EPHA6: variants seen among roughly 807,000 people sequenced by gnomAD.
EPHA6 encodes the protein EPH receptor A6.
A neutral mutation model predicts 112.0 loss-of-function variants in EPHA6; 50 were observed. That is an observed-to-expected ratio of 0.45 (90% confidence interval 0.36 to 0.56). The LOEUF (loss-of-function observed/expected upper bound fraction) is 0.56, where lower values mean the gene tolerates loss of function less well. EPHA6 is among the 20% of genes least tolerant of loss of function. The pLI, the probability that EPHA6 is intolerant of heterozygous loss-of-function variation, is 0.00. For synonymous variants in EPHA6, 529 were observed against 490.7 expected (o/e 1.08, Z -1.03); for missense variants, 1,280 against 1,417.4 (o/e 0.90, Z 1.56).
chr3:97,365,208 A>G (rs1367971397), intron 5 of EPHA6, among the ~76,000 whole-genome samples: 1 of 152,202 alleles, frequency 6.6e-6, no homozygotes, highest in Non-Finnish European at 1.5e-5. Context: ...CTACAGTACG[A>G]TGTTGATTTT....
At chr3:97,257,138 TTAA>T (rs1282225594) in intron 5 of EPHA6, among the ~76,000 whole-genome samples, 1 of 151,856 alleles carries the variant, frequency 6.6e-6, no homozygotes, top group African/African-American at 2.4e-5. Flanking sequence ...AATCAAATCA[TTAA>T]CTAGGAAAAT....
chr3:97,011,193 AG>A (rs2044073003), intron 3 of EPHA6, among the ~76,000 whole-genome samples: 1 of 152,182 alleles, frequency 6.6e-6, no homozygotes. Context: ...AGTCTGTATA[AG>A]GGGATTTTAA....
intron 5 of EPHA6, among the ~76,000 whole-genome samples, chr3:97,303,937 C>T (rs1439567596): frequency 6.6e-6 from 1 of 151,974 alleles, no homozygotes; most frequent in East Asian, 1.9e-4. Flanking sequence ...ATTTATAGCT[C>T]TTCTTGAAGA....
chr3:97,631,689 G>T (rs1392385415), intron 13 of EPHA6, among the ~76,000 whole-genome samples: 2 of 151,938 alleles, frequency 1.3e-5, no homozygotes, highest in Non-Finnish European at 2.9e-5. Context: ...ACACCACATT[G>T]TGAAGGGTAT....
chr3:97,589,096 C>G (rs1287661019), intron 11 of EPHA6, among the ~76,000 whole-genome samples: 2 of 151,920 alleles, frequency 1.3e-5, no homozygotes, highest in East Asian at 3.9e-4. Flanking sequence ...TTGAATGTGA[C>G]CCAACACAAG....
chr3:97,748,757 C>A lies in EPHA6; in HGVS notation c.*56C>A. On this transcript the variant is annotated 3_prime_UTR_variant, in exon 18 of 18. Coordinates refer to ENST00000389672, the MANE Select transcript of EPHA6 (RefSeq NM_001080448.3). ...CAGCATTTCTAAAATGAACGATATC[C>A]TCTCTACTACTCTCTCTTCTGATTC... The A allele has an allele frequency of 1.2e-6, 1 of 842,636 alleles. No individual in the cohort carries two copies. Among genetic ancestry groups the A allele is most frequent in the Non-Finnish European group, 2.0e-6 (1 of 496,066 alleles). 52.2% of individuals were successfully genotyped at this position (842,636 alleles called of 1,614,324 possible).
At chr3:97,352,004 A>G (rs890365954) in intron 5 of EPHA6, among the ~76,000 whole-genome samples, 4 of 152,162 alleles carry the variant, frequency 2.6e-5, no homozygotes, top group African/African-American at 9.7e-5. Context: ...TGACAAGAAG[A>G]AACCACATAA....
At chr3:97,511,071 G>A (rs1410942239) in intron 10 of EPHA6, among the ~76,000 whole-genome samples, 1 of 152,152 alleles carries the variant, frequency 6.6e-6, no homozygotes, top group Non-Finnish European at 1.5e-5. Context: ...CTGCTGTCCT[G>A]GCAGCAAGAA....
At chr3:96,992,994 G>A (rs987945392) in intron 3 of EPHA6, among the ~76,000 whole-genome samples, 8 of 152,166 alleles carry the variant, frequency 5.3e-5, no homozygotes, top group African/African-American at 1.2e-4. Context: ...ATCACATGAT[G>A]TGAATGATCA....
At chr3:97,201,964 C>T (rs1420723103) in intron 3 of EPHA6, among the ~76,000 whole-genome samples, 1 of 152,112 alleles carries the variant, frequency 6.6e-6, no homozygotes, top group African/African-American at 2.4e-5. Flanking sequence ...AGTACTCTAA[C>T]TAGGCACTCT....
intron 6 of EPHA6, among the ~76,000 whole-genome samples, chr3:97,420,150 G>T (rs921206540): frequency 1.3e-5 from 2 of 152,056 alleles, no homozygotes; most frequent in African/African-American, 4.8e-5. Flanking sequence ...CACTGCATGT[G>T]ATAGATCTAT....
chr3:97,536,204 G>A (rs558500947), intron 11 of EPHA6, among the ~76,000 whole-genome samples: 4 of 152,132 alleles, frequency 2.6e-5, no homozygotes, highest in East Asian at 1.9e-4. Flanking sequence ...CATATACACC[G>A]GTGTCATTAA....
intron 2 of EPHA6, among the ~76,000 whole-genome samples, chr3:96,909,382 T>C (rs1222667558): frequency 3.3e-5 from 5 of 151,820 alleles, no homozygotes; most frequent in Non-Finnish European, 5.9e-5. Context: ...TAAAGAAAAA[T>C]ATGTGAGTTA....
At chr3:97,579,969 C>G (rs189823103) in intron 11 of EPHA6, among the ~76,000 whole-genome samples, 1 of 152,134 alleles carries the variant, frequency 6.6e-6, no homozygotes, top group East Asian at 1.9e-4. Context: ...ACTTTGAAAG[C>G]GATAAGTTTT....
intron 7 of EPHA6, among the ~76,000 whole-genome samples, chr3:97,461,924 T>A (rs1388867370): frequency 6.6e-6 from 1 of 152,104 alleles, no homozygotes; most frequent in African/African-American, 2.4e-5. Flanking sequence ...ATTCCAGCAA[T>A]ATCACCTTGT....
At chr3:96,906,802 C>T (rs948256728) in intron 2 of EPHA6, among the ~76,000 whole-genome samples, 1 of 151,830 alleles carries the variant, frequency 6.6e-6, no homozygotes, top group Admixed American at 6.6e-5. Flanking sequence ...GAAGGCAGTA[C>T]AGAATTTGGT....
At chr3:96,965,570 C>T (rs914339250) in intron 2 of EPHA6, among the ~76,000 whole-genome samples, 9 of 151,998 alleles carry the variant, frequency 5.9e-5, no homozygotes, top group African/African-American at 2.2e-4. Flanking sequence ...TATATTTTTT[C>T]TTACAGATAT....
At chr3:97,075,428 T>G (rs2046485569) in intron 3 of EPHA6, among the ~76,000 whole-genome samples, 1 of 152,062 alleles carries the variant, frequency 6.6e-6, no homozygotes, top group Non-Finnish European at 1.5e-5. Flanking sequence ...CGTCTGGGTG[T>G]GGTGCCATAC....
chr3:96,982,685 G>A (rs1485622464), intron 2 of EPHA6, among the ~76,000 whole-genome samples: 10 of 152,070 alleles, frequency 6.6e-5, no homozygotes, highest in African/African-American at 2.4e-4. Context: ...GTTGTGTGGG[G>A]TCTAAGTATC....
Sources: allele counts gnomAD v4.1 joint callset (sites outside exome capture counted in the v4.1 genomes callset), GRCh38; gene constraint gnomAD v4.1.1; transcripts MANE v1.5; gene names NCBI Gene and HGNC (gene_info 2026-07-23, HGNC 2026-07-21).